The following PPP4R4 variants were observed in gnomAD, a reference collection of about 807,000 sequenced individuals.
PPP4R4 encodes the protein protein phosphatase 4 regulatory subunit 4, also known as serine/threonine-protein phosphatase 4 regulatory subunit 4.
A neutral mutation model predicts 121.8 loss-of-function variants in PPP4R4; 70 were observed. That is an observed-to-expected ratio of 0.57 (90% confidence interval 0.47 to 0.70). The LOEUF is 0.70. Ranked by LOEUF, PPP4R4 falls within the 30% of genes least tolerant of loss-of-function variation. PPP4R4 has a pLI of 0.00. For synonymous variants in PPP4R4, 348 were observed against 355.7 expected, an observed-to-expected ratio of 0.98 and a Z score of 0.24; for missense variants, 875 against 1,033.6, an observed-to-expected ratio of 0.85 and a Z score of 2.10.
intron 2 of PPP4R4, among the ~76,000 whole-genome samples, chr14:94,180,368 A>C (rs1314560601): frequency 6.6e-6 from 1 of 152,192 alleles, no homozygotes; most frequent in Non-Finnish European, 1.5e-5. Context: ...TTTTTAACTG[A>C]GTAATAGTAA....
intron 2 of PPP4R4, among the ~76,000 whole-genome samples, chr14:94,191,168 T>A (rs1002425204): frequency 2.0e-5 from 3 of 152,148 alleles, no homozygotes; most frequent in Non-Finnish European, 4.4e-5. Flanking sequence ...TCCAGAACAA[T>A]TGGGAGTCAT....
At chr14:94,196,968 A>C (rs761117078) in intron 2 of PPP4R4, among the ~76,000 whole-genome samples, 1 of 152,118 alleles carries the variant, frequency 6.6e-6, no homozygotes, top group Non-Finnish European at 1.5e-5. Context: ...TTTCATTTTT[A>C]TGTGAAATTA....
At chr14:94,272,453 C>T (rs1894386551) in intron 23 of PPP4R4, among the ~76,000 whole-genome samples, 1 of 152,060 alleles carries the variant, frequency 6.6e-6, no homozygotes, top group African/African-American at 2.4e-5. Context: ...ATAGGACACC[C>T]ACATGAAAAA....
Position 94,241,883 on chromosome 14 carries a change from C to G in PPP4R4, c.1072C>G (p.Gln358Glu). Residue 358 changes from glutamine (Q) to glutamate (E), a missense_variant, in exon 10 of 25, where the codon CAG becomes GAG. Physicochemically the swap from Gln to Glu is conservative, Grantham distance 29. Transcript: ENST00000304338. Reference protein sequence around the residue: ...LQQENGHNENQIPPQILEQEK... With the variant: ...LQQENGHNENEIPPQILEQEK... ...ACAAGAAAATGGACACAATGAAAAC[C>G]AGATTCCACCCCAAATCCTAGAGCA... 6.2e-7 allele frequency: 1 copy of G among 1,610,964 alleles called. No individual in the cohort carries two copies.
chr14:94,246,342 G>A lies in PPP4R4; in HGVS notation c.1429-15G>A. On this transcript the variant is annotated splice_polypyrimidine_tract_variant and intron_variant, in intron 13 of 24. Transcript: ENST00000304338. The stretch of plus-strand genomic sequence containing the variant: ...ATTTATTTATAATTGATTTTTTGAT[G>A]CGTTTCATTTTCAGTTATCTTCTCT... The A allele has an allele frequency of 6.3e-7, 1 of 1,584,432 alleles. No individual in the cohort carries two copies.
At chr14:94,179,723 C>T (rs1341770709) in intron 2 of PPP4R4, among the ~76,000 whole-genome samples, 1 of 152,218 alleles carries the variant, frequency 6.6e-6, no homozygotes, top group Non-Finnish European at 1.5e-5. Context: ...TCCGTTATCA[C>T]TTAGTGGCGC....
chr14:94,265,409 G>T lies in PPP4R4; in HGVS notation c.2220G>T (p.Thr740=), dbSNP rs769326677. 3.1e-6 allele frequency: 5 copies of T among 1,612,356 alleles called. No individual in the cohort carries two copies. In the South Asian group the frequency reaches 3.3e-5, roughly 11 times the overall value. Residue 740 remains threonine, a synonymous_variant, in exon 21 of 25, where the codon ACG becomes ACT. Transcript: ENST00000304338. The stretch of plus-strand genomic sequence containing the variant: ...TAGGTAGAGACACTAAGACACCAAC[G>T]CAAAGTCTGCCCAAGAACATCCCCA... ...EKKRRDTKTP[T]QSLPKNIPIS...
rs141474530 is a variant in PPP4R4, at chr14:94,188,584, TAC to T, written c.191+12470_191+12471del. Among the ~76,000 whole-genome samples the T allele has an allele frequency of 6.1e-4, 93 of 151,842 alleles. 1 individual carries two copies. The highest frequency in any genetic ancestry group is 4.0e-3 in the South Asian group (19 of 4,810). ...TGCCTAATATATATATATGTGTGTA[TAC>T]ACACACACACACTTATATAAACATT... is the stretch of plus-strand genomic sequence containing the variant. On this transcript the variant is annotated intron_variant, in intron 2 of 24. Coordinates refer to ENST00000304338, the MANE Select transcript of PPP4R4 (RefSeq NM_058237.2).
At chr14:94,252,050 A>G (rs1893212318) in intron 16 of PPP4R4, among the ~76,000 whole-genome samples, 154 bp downstream of exon 16, 1 of 152,184 alleles carries the variant, frequency 6.6e-6, no homozygotes, top group Non-Finnish European at 1.5e-5. Context: ...GATGGGCATC[A>G]GTAAGACTTG....
chr14:94,195,206 A>G (rs1484201736), intron 2 of PPP4R4, among the ~76,000 whole-genome samples: 1 of 152,170 alleles, frequency 6.6e-6, no homozygotes, highest in Non-Finnish European at 1.5e-5. Flanking sequence ...TCCTTCTACC[A>G]TAGTGACTCT....
At chr14:94,192,666 T>G (rs762383050) in intron 2 of PPP4R4, among the ~76,000 whole-genome samples, 3 of 152,172 alleles carry the variant, frequency 2.0e-5, no homozygotes, top group Non-Finnish European at 4.4e-5. Flanking sequence ...ACATTTGATA[T>G]CCTGCACATA....
chr14:94,185,613 G>A (rs1889230934), intron 2 of PPP4R4, among the ~76,000 whole-genome samples: 1 of 152,214 alleles, frequency 6.6e-6, no homozygotes, highest in Non-Finnish European at 1.5e-5. Context: ...GTACAGGGTA[G>A]TGTTCAGTAA....
rs1314441553 is a variant in PPP4R4, at chr14:94,231,215, T to A, written c.443-27T>A. 8.9e-6 allele frequency: 14 copies of A among 1,570,156 alleles called. 1 individual carries two copies. In the Admixed American group the frequency reaches 2.4e-4, roughly 26 times the overall value. The stretch of plus-strand genomic sequence containing the variant: ...CTGAATTTGAAGTGAGACGTTTAAT[T>A]TAGTATGTTTTATCTCTGTCAACCA... On this transcript the variant is annotated intron_variant, in intron 4 of 24. Transcript: ENST00000304338.
At chr14:94,183,915 AT>A (rs1193367491) in intron 2 of PPP4R4, among the ~76,000 whole-genome samples, 1 of 151,958 alleles carries the variant, frequency 6.6e-6, no homozygotes, top group Non-Finnish European at 1.5e-5. Context: ...ATAAAGCAAT[AT>A]AAAATAAATG....
In PPP4R4 at chr14:94,259,325, T is replaced by G; in HGVS notation, c.2083T>G (p.Leu695Val). The G allele has an allele frequency of 1.9e-6, 3 of 1,610,540 alleles. No homozygotes were observed. The African/African-American group carries it at 4.0e-5, about 22-fold the overall frequency. The stretch of plus-strand genomic sequence containing the variant: ...GAAAAAGTTTTATGAGAAAGATTTG[T>G]TGGATCAAGAGAAAGAAAGAGAAGA... ...FQKKFYEKDLLDQEKEREELL... is the reference protein window; with the variant it reads ...FQKKFYEKDLVDQEKEREELL... The change falls in exon 19 of 25, where the codon TTG (leucine) becomes GTG (valine). Residue 695 changes from leucine to valine, a missense_variant. By Grantham distance (32) the Leu-to-Val change is conservative. Transcript: ENST00000304338.
intron 2 of PPP4R4, among the ~76,000 whole-genome samples, chr14:94,204,953 C>T (rs969139370): frequency 1.3e-5 from 2 of 152,102 alleles, no homozygotes; most frequent in Non-Finnish European, 2.9e-5. Flanking sequence ...ATTGAACCAG[C>T]GTTGCATCCC....
chr14:94,251,634 G>C (rs1289174557), intron 15 of PPP4R4, 115 bp from the exon 16 acceptor site: 8 of 774,278 alleles, frequency 1.0e-5, no homozygotes, highest in Non-Finnish European at 1.6e-5. Context: ...TCTTGTATTT[G>C]CTAGCCAAAT....
rs1221980008 is a variant in PPP4R4, at chr14:94,251,831, A to G, written c.1800A>G (p.Ser600=). The change falls in exon 16 of 25, where the codon TCA becomes TCG. Residue 600 remains serine (S), a synonymous_variant. Coordinates refer to ENST00000304338, the MANE Select transcript of PPP4R4 (RefSeq NM_058237.2). ...CEFIIEIFSK[S]FFCKYFFLPA... ...TTATTATAGAGATATTTTCAAAATC[A>G]TTTTTCTGTAAATATTTCTTTCTAC... 1.3e-6 allele frequency: 2 copies of G among 1,598,802 alleles called. No homozygotes were observed. The highest frequency in any genetic ancestry group is 1.7e-6 in the Non-Finnish European group (2 of 1,169,848).
chr14:94,214,788 C>T (rs1024563719), intron 3 of PPP4R4, among the ~76,000 whole-genome samples: 14 of 152,026 alleles, frequency 9.2e-5, no homozygotes, highest in Non-Finnish European at 1.9e-4. Flanking sequence ...TCAAAATGCT[C>T]CAAAATTTGA....
Sources: allele counts gnomAD v4.1 joint callset (sites outside exome capture counted in the v4.1 genomes callset), GRCh38; gene constraint gnomAD v4.1.1; transcripts MANE v1.5; gene names NCBI Gene and HGNC (gene_info 2026-07-23, HGNC 2026-07-21).